The following TNNI1 variants were observed in gnomAD, a reference collection of about 807,000 sequenced individuals.
TNNI1 encodes the protein troponin I, slow skeletal muscle.
TNNI1 carries 14 observed loss-of-function variants against 26.7 expected under a neutral mutation model. That is an observed-to-expected ratio of 0.52 (90% CI 0.35 to 0.82). The LOEUF (loss-of-function observed/expected upper bound fraction) is 0.82, where lower values mean the gene tolerates loss of function less well. Ranked by LOEUF, TNNI1 falls within the 40% of genes least tolerant of loss-of-function variation. TNNI1 has a pLI of 0.01. For missense variants in TNNI1, 164 were observed against 257.0 expected (o/e 0.64, Z 2.47); for synonymous variants, 79 against 98.2 (o/e 0.80, Z 1.16).
intron 4 of TNNI1, 67 bp from the exon 5 acceptor site, chr1:201,414,716 A>T: frequency 6.3e-7 from 1 of 1,583,166 alleles, no homozygotes; most frequent in Non-Finnish European, 8.6e-7. Flanking sequence ...GAATGAGGGG[A>T]GGGCAGCCAC....
At chr1:201,421,196 T>TC (rs981293758) in intron 1 of TNNI1, among the ~76,000 whole-genome samples, 25 of 152,144 alleles carry the variant, frequency 1.6e-4, no homozygotes, top group African/African-American at 6.0e-4. Flanking sequence ...AGCAGGGAGC[T>TC]CTGGCCCTGC....
chr1:201,404,726 T>C lies in TNNI1; in HGVS notation c.*4527A>G, dbSNP rs1305705495. On this transcript the variant is annotated 3_prime_UTR_variant, in exon 9 of 9. Coordinates refer to ENST00000361379, the MANE Select transcript of TNNI1 (RefSeq NM_003281.4). ...TCCTTGTGGGGTGGAGCAGTTGAAA[T>C]TTAGGTCACAAAGAGCCAGTCAGGA... 6.6e-6 allele frequency: 1 copy of C among 152,220 alleles called. No homozygotes were observed. The highest frequency in any genetic ancestry group is 1.5e-5 in the Non-Finnish European group (1 of 68,046). 9.4% of individuals were successfully genotyped at this position (152,220 alleles called of 1,614,324 possible). A position where few individuals can be genotyped will look rare whatever the true frequency, so the allele number is the denominator to read the frequency against.
intron 4 of TNNI1, among the ~76,000 whole-genome samples, chr1:201,414,983 C>T (rs1232568950): frequency 6.6e-6 from 1 of 152,248 alleles, no homozygotes; most frequent in Non-Finnish European, 1.5e-5. Context: ...CTGGTCACCA[C>T]CTACTCTAGG....
intron 1 of TNNI1, among the ~76,000 whole-genome samples, chr1:201,418,044 C>CTT (rs35188093): frequency 1.4e-4 from 17 of 122,314 alleles, no homozygotes; most frequent in South Asian, 7.8e-4. Flanking sequence ...GAATTGTAAG[C>CTT]TTTTTTTTTT....
At chr1:201,417,968 C>A (rs931806184) in intron 1 of TNNI1, among the ~76,000 whole-genome samples, 156 bp from the exon 2 acceptor site, 13 of 151,542 alleles carry the variant, frequency 8.6e-5, no homozygotes, top group African/African-American at 2.4e-4. Flanking sequence ...GACAGGGTTG[C>A]AGGGCAGGGG....
rs2026593 is a variant in TNNI1 at position 201,414,488 on chromosome 1, A to T, written c.189+30T>A. On this transcript the variant is annotated intron_variant, in intron 5 of 8. Transcript: ENST00000361379. ...CCACCCACACAGCACCTCCAGCCCC[A>T]CCCTGCCCCGCCCCACCTGCCAGGC... 14 of 1,531,026 alleles carry T rather than the reference A, an allele frequency of 9.1e-6. No homozygotes were observed. In the East Asian group the frequency reaches 2.9e-4, roughly 31 times the overall value. 94.8% of individuals were successfully genotyped at this position (1,531,026 alleles called of 1,614,324 possible).
chr1:201,417,410 G>A (rs1047597368), intron 2 of TNNI1, among the ~76,000 whole-genome samples: 2 of 152,216 alleles, frequency 1.3e-5, no homozygotes, highest in African/African-American at 4.8e-5. Context: ...GGAAGCCTTA[G>A]CGTAGGGTTC....
chr1:201,421,051 T>C (rs114096368), intron 1 of TNNI1, among the ~76,000 whole-genome samples: 15 of 152,332 alleles, frequency 9.8e-5, no homozygotes, highest in Middle Eastern at 6.8e-3. Flanking sequence ...CCAGGAGCTC[T>C]GAGCAGGAGC....
At chr1:201,416,212 A>G (rs921097854) in intron 3 of TNNI1, among the ~76,000 whole-genome samples, 1 of 152,140 alleles carries the variant, frequency 6.6e-6, no homozygotes, top group Non-Finnish European at 1.5e-5. Context: ...TCCTCTCCTA[A>G]AGATTTTTGT....
Position 201,411,157 on chromosome 1 carries a change from TG to T in TNNI1, c.456+199del, listed in dbSNP as rs1662627836. 6.6e-6 allele frequency among the ~76,000 whole-genome samples: 1 copy of T among 152,248 alleles called. No homozygotes were observed. The highest frequency in any genetic ancestry group is 2.4e-5 in the African/African-American group (1 of 41,466). ...TTATGTCCTAGTTTCTTCGTCAGACTGGGAACAGCCTGAAGGAAGGGAGCAA... is the reference window on the plus strand; with the variant it reads ...TTATGTCCTAGTTTCTTCGTCAGACTGGAACAGCCTGAAGGAAGGGAGCAA... On this transcript the variant is annotated intron_variant, in intron 7 of 8. Transcript: ENST00000361379. This position sits in a 1 kb window ranked among gnomAD's most constrained non-coding sequence, Gnocchi z 4.6.
At chr1:201,409,750 C>T (rs1316506064) in intron 8 of TNNI1, 2 of 152,378 alleles carry the variant, frequency 1.3e-5, no homozygotes, top group African/African-American at 4.8e-5. Flanking sequence ...GCTATTTCCT[C>T]AGATGGTGGG....
In TNNI1 at chr1:201,414,563, G is replaced by A; in HGVS notation, c.144C>T (p.Arg48=). Residue 48 remains arginine (R), a synonymous_variant, in exon 5 of 9, where the codon CGC becomes CGT. Coordinates refer to ENST00000361379, the MANE Select transcript of TNNI1 (RefSeq NM_003281.4). ...EAEKVRYLAE[R]IPTLQTRGLS... is the part of the protein sequence containing the mutation. ...GGCCACGGGTCTGCAGCGTGGGGAT[G>A]CGCTCTGCCAGGTAGCGCACCTTCT... is the stretch of plus-strand genomic sequence containing the variant. 3 of 1,613,272 alleles carry A rather than the reference G, an allele frequency of 1.9e-6. 1 individual carries two copies. The African/African-American group carries it at 4.0e-5, about 21-fold the overall frequency.
intron 2 of TNNI1, 97 bp downstream of exon 2, chr1:201,417,686 T>G: frequency 9.1e-7 from 1 of 1,102,566 alleles, no homozygotes; most frequent in African/African-American, 1.6e-5. Context: ...GGGAAAAGCT[T>G]TGGGGGTTGA....
intron 7 of TNNI1, among the ~76,000 whole-genome samples, chr1:201,410,813 G>A (rs2102369558): frequency 6.6e-6 from 1 of 152,334 alleles, no homozygotes; most frequent in South Asian, 2.1e-4. Flanking sequence ...CATTTCCTCA[G>A]TATATTGTCT....
intron 8 of TNNI1, 64 bp from the exon 9 acceptor site, chr1:201,409,314 G>GACTT (rs1003646634): frequency 3.9e-5 from 6 of 152,246 alleles, no homozygotes; most frequent in Non-Finnish European, 8.8e-5. Context: ...ATGAATCCCT[G>GACTT]ACTTACCTAC....
At chr1:201,417,065 T>C (rs559747009) in intron 3 of TNNI1, 51 bp downstream of exon 3, 2 of 1,613,162 alleles carry the variant, frequency 1.2e-6, no homozygotes, top group South Asian at 2.2e-5. Flanking sequence ...CTTCCCACTT[T>C]TACCAGTCGT....
chr1:201,412,676 C>T (rs1662652765), intron 6 of TNNI1, among the ~76,000 whole-genome samples: 1 of 152,242 alleles, frequency 6.6e-6, no homozygotes, highest in South Asian at 2.1e-4. Flanking sequence ...GCCCCTACTT[C>T]ATCCACAGGC....
rs1662492394 is a variant in TNNI1, at chr1:201,405,194, T to C, written c.*4059A>G. ...ACCTACTTCCTAGCTCCAGTTAGGT[T>C]TGTGACCTTGAGCAAGTCACCCTCC... On this transcript the variant is annotated 3_prime_UTR_variant, in exon 9 of 9. Transcript: ENST00000361379. 1 of 152,698 alleles carries C rather than the reference T, an allele frequency of 6.5e-6. No individual in the cohort carries two copies. Among genetic ancestry groups the C allele is most frequent in the Non-Finnish European group, 1.5e-5 (1 of 68,120 alleles). The allele number at this position is 152,698 out of a possible 1,614,324, so 9.5% of individuals were successfully genotyped here.
rs1370141967 is a variant in TNNI1 at position 201,410,442 on chromosome 1, A to G, written c.457-7T>C. The G allele has an allele frequency of 6.2e-7, 1 of 1,613,114 alleles. No homozygotes were observed. The highest frequency in any genetic ancestry group is 2.2e-5 in the East Asian group (1 of 44,892). On this transcript the variant is annotated splice_polypyrimidine_tract_variant and splice_region_variant and intron_variant, in intron 7 of 8. Coordinates refer to ENST00000361379, the MANE Select transcript of TNNI1 (RefSeq NM_003281.4). The stretch of plus-strand genomic sequence containing the variant: ...CCACCTCCACAGGCCGCTCCTGTAG[A>G]CAAGTGGCACACACATCAGGGACTT...
Sources: allele counts gnomAD v4.1 joint callset (sites outside exome capture counted in the v4.1 genomes callset), GRCh38; gene constraint gnomAD v4.1.1; non-coding constraint Gnocchi (gnomAD v3.1); transcripts MANE v1.5; gene names NCBI Gene and HGNC (gene_info 2026-07-23, HGNC 2026-07-21).